Variants in AKAP13 observed in about 807,000 individuals in gnomAD.
The protein encoded by AKAP13 is A-kinase anchoring protein 13, also known as A-kinase anchor protein 13.
In AKAP13, 80 loss-of-function variants were observed where a neutral mutation model predicts 264.5. The ratio of observed to expected loss-of-function variants is 0.30; its 90% CI spans 0.25 to 0.36. The LOEUF is 0.36. AKAP13 is among the 10% of genes least tolerant of loss of function. The probability of loss-of-function intolerance (pLI) is 1.00; values close to 1 mark genes in which losing one functional copy is unlikely to be tolerated. For missense variants in AKAP13, 3,712 were observed against 3,435.2 expected, an observed-to-expected ratio of 1.08 and a Z score of -2.01; for synonymous variants, 1,380 against 1,250.2, an observed-to-expected ratio of 1.10 and a Z score of -2.19.
Position 85,740,264 on chromosome 15 carries a change from G to A in AKAP13, c.7600G>A (p.Ala2534Thr), listed in dbSNP as rs754302898. 3 of 1,614,058 alleles carry A rather than the reference G, an allele frequency of 1.9e-6. No individual in the cohort carries two copies. Among genetic ancestry groups the A allele is most frequent in the East Asian group, 4.5e-5 (2 of 44,884 alleles). Reference sequence around the variant, plus strand: ...TGTTCATCTCTACGAGCTCCTCAGCGCTCTGCAGGTGCGTGCCTTCATCTT... The same window carrying A: ...TGTTCATCTCTACGAGCTCCTCAGCACTCTGCAGGTGCGTGCCTTCATCTT... ...SVVHLYELLS[A>T]LQGVVLQQDS... Residue 2534 changes from alanine (A) to threonine (T), a missense_variant, in exon 34 of 37, where the codon GCT becomes ACT. By Grantham distance (58) the Ala-to-Thr change is moderately conservative. Around this residue, in one of 3 missense-constraint regions of AKAP13, gnomAD observed 611 missense variants for 539.3 expected, o/e 1.13. Coordinates refer to ENST00000394518, the MANE Select transcript of AKAP13 (RefSeq NM_007200.5).
rs745464244 is a variant in AKAP13 at position 85,741,196 on chromosome 15, C to G, written c.7759C>G (p.Leu2587Val). 4 of 1,611,164 alleles carry G rather than the reference C, an allele frequency of 2.5e-6. No homozygotes were observed. In the South Asian group the frequency reaches 3.3e-5, roughly 13 times the overall value. Residue 2587 changes from leucine (L) to valine (V), a missense_variant, in exon 35 of 37, where the codon CTG becomes GTG. Leu to Val is a conservative substitution (Grantham distance 32). Coordinates refer to ENST00000394518, the MANE Select transcript of AKAP13 (RefSeq NM_007200.5). ...LEKQRQDLAN[L>V]QKQQAQYLEE... Reference sequence around the variant, plus strand: ...GAAGCAGCGCCAGGACCTGGCCAACCTGCAGAAGCAGCAGGCCCAGTACCT... The same window carrying G: ...GAAGCAGCGCCAGGACCTGGCCAACGTGCAGAAGCAGCAGGCCCAGTACCT...
At chr15:85,706,276 A>G (rs1302338234) in intron 17 of AKAP13, among the ~76,000 whole-genome samples, 2 of 152,166 alleles carry the variant, frequency 1.3e-5, no homozygotes, top group African/African-American at 2.4e-5. Context: ...GAGGTGCACC[A>G]TACACCCTGA....
In AKAP13 at chr15:85,739,464, T is replaced by C. The variant is rs2088798882; in HGVS notation, c.7558-758T>C. On this transcript the variant is annotated intron_variant, in intron 33 of 36. Coordinates refer to ENST00000394518, the MANE Select transcript of AKAP13 (RefSeq NM_007200.5). ...TTCCTGGCCTATTTTTCTACTAGGGTATTTTTTTTGTCATAATGTTCTATG... is the reference window on the plus strand; with the variant it reads ...TTCCTGGCCTATTTTTCTACTAGGGCATTTTTTTTGTCATAATGTTCTATG... Among the ~76,000 whole-genome samples the C allele has an allele frequency of 2.6e-5, 4 of 152,308 alleles. No individual in the cohort carries two copies. The South Asian group carries it at 8.3e-4, about 32-fold the overall frequency.
chr15:85,485,649 G>T lies in AKAP13; in HGVS notation c.-11-61G>T, dbSNP rs539381418. 5 of 1,476,524 alleles carry T rather than the reference G, an allele frequency of 3.4e-6. No individual in the cohort carries two copies. In the African/African-American group the frequency reaches 6.9e-5, roughly 20 times the overall value. 91.5% of individuals were successfully genotyped at this position (1,476,524 alleles called of 1,614,324 possible). On this transcript the variant is annotated intron_variant, in intron 1 of 36. Coordinates refer to ENST00000394518, the MANE Select transcript of AKAP13 (RefSeq NM_007200.5). ...TGCTTGACACCTAGGACTTTAGGTG[G>T]CTTATATATTTTCGGTGACAACTTT...
Position 85,580,642 on chromosome 15 carries a change from C to T in AKAP13, c.2574C>T (p.His858=), listed in dbSNP as rs202087369. The T allele has an allele frequency of 5.5e-5, 89 of 1,614,186 alleles. No individual in the cohort carries two copies. The South Asian group carries it at 7.0e-4, about 13-fold the overall frequency. ...STSSTAAELQ[H]GMGNTSLTGL... ...CCTCCACTGCTGCAGAGCTTCAGCA[C>T]GGGATGGGGAATACCAGTCTCACAG... The change falls in exon 7 of 37, where the codon CAC becomes CAT. Residue 858 remains histidine (H), a synonymous_variant. Transcript: ENST00000394518.
intron 2 of AKAP13, among the ~76,000 whole-genome samples, chr15:85,515,791 G>A (rs1246052939): frequency 2.9e-5 from 4 of 137,232 alleles, no homozygotes; most frequent in Non-Finnish European, 6.2e-5. Context: ...TGTCCTTAGT[G>A]CATGCTATGT....
chr15:85,641,525 G>A (rs969139258), intron 9 of AKAP13, among the ~76,000 whole-genome samples: 3 of 149,566 alleles, frequency 2.0e-5, no homozygotes, highest in African/African-American at 7.4e-5. Flanking sequence ...TCGCTCTGTC[G>A]CCCAGGCTGG....
chr15:85,619,900 G>A (rs1596748052), intron 8 of AKAP13: 2 of 1,429,684 alleles, frequency 1.4e-6, no homozygotes, highest in East Asian at 2.5e-5. Context: ...TCAAGGCATT[G>A]GATTCTGCTT....
chr15:85,626,604 A>T (rs1041039469), intron 8 of AKAP13, among the ~76,000 whole-genome samples: 6 of 152,230 alleles, frequency 3.9e-5, no homozygotes, highest in Non-Finnish European at 7.3e-5. Context: ...CTAATATTCA[A>T]TTGTAAGTAT....
At chr15:85,448,741 A>C (rs2073983184) in intron 1 of AKAP13, among the ~76,000 whole-genome samples, 1 of 151,846 alleles carries the variant, frequency 6.6e-6, no homozygotes. Context: ...GTTTTGTACC[A>C]GTACCATGCT....
chr15:85,717,601 T>C (rs549667091), intron 21 of AKAP13, among the ~76,000 whole-genome samples, 199 bp downstream of exon 21: 8 of 152,328 alleles, frequency 5.3e-5, no homozygotes, highest in Admixed American at 5.2e-4. Flanking sequence ...AAGTGAAGGA[T>C]GTCATTTATT....
chr15:85,636,906 C>T (rs1026489252), intron 8 of AKAP13, among the ~76,000 whole-genome samples: 3 of 152,226 alleles, frequency 2.0e-5, no homozygotes, highest in African/African-American at 4.8e-5. Flanking sequence ...TGAGCCGCCG[C>T]TCCCGGCCCC....
At chr15:85,598,901 A>G (rs2079935109) in intron 8 of AKAP13, among the ~76,000 whole-genome samples, 1 of 152,216 alleles carries the variant, frequency 6.6e-6, no homozygotes, top group Non-Finnish European at 1.5e-5. Context: ...TTGCCTTAAA[A>G]TAGGGGGTCA....
intron 5 of AKAP13, among the ~76,000 whole-genome samples, chr15:85,554,108 G>A (rs1319191572): frequency 1.3e-5 from 2 of 152,114 alleles, no homozygotes; most frequent in Non-Finnish European, 2.9e-5. Flanking sequence ...CTCACTGATA[G>A]TGATGGTAGC....
rs1196844712 is a variant in AKAP13 at position 85,655,581 on chromosome 15, C to T, written c.4539C>T (p.Ser1513=). 2 of 1,614,096 alleles carry T rather than the reference C, an allele frequency of 1.2e-6. No homozygotes were observed. The highest frequency in any genetic ancestry group is 8.5e-7 in the Non-Finnish European group (1 of 1,180,052). Residue 1513 remains serine (S), a synonymous_variant, in exon 11 of 37, where the codon AGC becomes AGT. Transcript: ENST00000394518. The stretch of plus-strand genomic sequence containing the variant: ...GGCAAAGCCTTGATGGATTCTACAG[C>T]CATGGGATGGGAGCTGAGGGTCGAG... ...RDRQSLDGFY[S]HGMGAEGRES... is the part of the protein sequence containing the mutation.
chr15:85,424,042 C>T (rs146416603), intron 1 of AKAP13, among the ~76,000 whole-genome samples: 99 of 152,258 alleles, frequency 6.5e-4, no homozygotes, highest in African/African-American at 2.2e-3. Context: ...GTTCTAGTTA[C>T]GGAAACACAG....
At chr15:85,627,728 T>TA (rs962694443) in intron 8 of AKAP13, 9 of 152,220 alleles carry the variant, frequency 5.9e-5, no homozygotes, top group Non-Finnish European at 1.3e-4. Flanking sequence ...TAGCCTGGGT[T>TA]ATGAGGTTAT....
chr15:85,718,643 T>C lies in AKAP13; in HGVS notation c.6002-433T>C, dbSNP rs1427839918. Among the ~76,000 whole-genome samples the C allele has an allele frequency of 6.6e-6, 1 of 152,170 alleles. No individual in the cohort carries two copies. Among genetic ancestry groups the C allele is most frequent in the Admixed American group, 6.5e-5 (1 of 15,270 alleles). On this transcript the variant is annotated intron_variant, in intron 22 of 36. Transcript: ENST00000394518. The surrounding 1 kb of genome is among the most constrained non-coding windows in gnomAD (Gnocchi z 4.9). Reference sequence around the variant, plus strand: ...TTGACCAGGCTCAGCGGCTCATACCTGTAATCCCAGCACTCTGGGAGGCTG... The same window carrying C: ...TTGACCAGGCTCAGCGGCTCATACCCGTAATCCCAGCACTCTGGGAGGCTG...
At chr15:85,471,150 G>A (rs1447365243) in intron 1 of AKAP13, among the ~76,000 whole-genome samples, 1 of 152,176 alleles carries the variant, frequency 6.6e-6, no homozygotes, top group Non-Finnish European at 1.5e-5. Context: ...AAGCATTACA[G>A]CATTATAAAG....
Sources: allele counts gnomAD v4.1 joint callset (sites outside exome capture counted in the v4.1 genomes callset), GRCh38; gene constraint gnomAD v4.1.1; regional missense constraint gnomAD v4.1.1; non-coding constraint Gnocchi (gnomAD v3.1); transcripts MANE v1.5; gene names NCBI Gene and HGNC (gene_info 2026-07-23, HGNC 2026-07-21).